TRAF3: variants seen among roughly 807,000 people sequenced by gnomAD.
TRAF3 encodes the protein TNF receptor associated factor 3.
TRAF3 carries 13 observed loss-of-function variants against 62.3 expected under a neutral mutation model. That is an observed-to-expected ratio of 0.21 (90% CI 0.14 to 0.33). TRAF3 has a LOEUF of 0.33. Among genes scored for constraint, TRAF3 ranks in the 10% least tolerant of loss-of-function variants. The probability of loss-of-function intolerance (pLI) is 1.00; values close to 1 mark genes in which losing one functional copy is unlikely to be tolerated. For missense variants in TRAF3, 440 were observed against 741.8 expected (o/e 0.59, Z 4.73); for synonymous variants, 269 against 283.4 (o/e 0.95, Z 0.51).
At chr14:102,889,998 A>T (rs1889619945) in intron 8 of TRAF3, among the ~76,000 whole-genome samples, 1 of 152,286 alleles carries the variant, frequency 6.6e-6, no homozygotes, top group South Asian at 2.1e-4. Context: ...AACTGAGCAT[A>T]GTTTCAACAG....
intron 2 of TRAF3, among the ~76,000 whole-genome samples, chr14:102,869,822 A>G (rs866746100): frequency 6.2e-4 from 93 of 150,324 alleles, no homozygotes; most frequent in African/African-American, 2.2e-3. Flanking sequence ...AAAAAAAAAA[A>G]TTTTTGGAGA....
intron 1 of TRAF3, among the ~76,000 whole-genome samples, chr14:102,796,356 G>A (rs550496599): frequency 6.6e-6 from 1 of 152,248 alleles, no homozygotes; most frequent in Non-Finnish European, 1.5e-5. Flanking sequence ...CCCTTCATCT[G>A]TGTCTTCTGC....
chr14:102,820,600 ATATATATATATATATTTTTTTTTTTTT>A (rs1376997710), intron 1 of TRAF3, among the ~76,000 whole-genome samples: 1 of 13,274 alleles, frequency 7.5e-5, no homozygotes, highest in African/African-American at 7.3e-4. Context: ...ATATATATAT[ATATATATATATATATTTTTTTTTTTTT>A]TTTTTTTTTT....
intron 1 of TRAF3, among the ~76,000 whole-genome samples, chr14:102,795,598 A>ATGTGTGTGTGTGTGTGTGTGTG (rs58263343): frequency 6.5e-4 from 97 of 149,314 alleles, no homozygotes; most frequent in Admixed American, 2.1e-3. Flanking sequence ...ATATGTATAT[A>ATGTGTGTGTGTGTGTGTGTGTG]TGTGTGTGTG....
chr14:102,883,984 G>A (rs796539410), intron 6 of TRAF3, among the ~76,000 whole-genome samples: 17 of 152,336 alleles, frequency 1.1e-4, no homozygotes, highest in African/African-American at 4.1e-4. Context: ...AAAATCAGCA[G>A]CAGATTCAGG....
At chr14:102,900,469 C>T (rs990606666) in intron 10 of TRAF3, among the ~76,000 whole-genome samples, 4 of 152,086 alleles carry the variant, frequency 2.6e-5, no homozygotes, top group Non-Finnish European at 4.4e-5. Flanking sequence ...CCATTGCACT[C>T]GAGACTGGGT....
At chr14:102,860,291 CAG>C (rs1300628760) in intron 2 of TRAF3, among the ~76,000 whole-genome samples, 1 of 152,144 alleles carries the variant, frequency 6.6e-6, no homozygotes, top group Non-Finnish European at 1.5e-5. Flanking sequence ...AAGTAAAAAA[CAG>C]ATAATGCAGT....
At chr14:102,893,061 T>G (rs542127579) in intron 9 of TRAF3, among the ~76,000 whole-genome samples, 43 of 152,266 alleles carry the variant, frequency 2.8e-4, no homozygotes, top group African/African-American at 1.0e-3. Context: ...GATGCTGTGT[T>G]TCTCATTTAG....
chr14:102,782,159 G>C (rs1897298848), intron 1 of TRAF3, among the ~76,000 whole-genome samples: 1 of 151,888 alleles, frequency 6.6e-6, no homozygotes, highest in African/African-American at 2.4e-5. Context: ...GACTGGTCTT[G>C]AACTCCTGAC....
At chr14:102,896,580 C>T (rs1213197692) in intron 9 of TRAF3, among the ~76,000 whole-genome samples, 6 of 152,160 alleles carry the variant, frequency 3.9e-5, no homozygotes, top group Non-Finnish European at 8.8e-5. Context: ...TGGGGTGATA[C>T]ATAAGCATCT....
At position 102,870,199 on chromosome 14, in the gene TRAF3, A is replaced by G. The variant is rs1253218958; in HGVS notation, c.-3A>G. ...TTTCCCGACAGAACTCCTCTTTCCTAAAATGGAGTCGAGTAAAAAGATGGA... is the reference window on the plus strand; with the variant it reads ...TTTCCCGACAGAACTCCTCTTTCCTGAAATGGAGTCGAGTAAAAAGATGGA... On this transcript the variant is annotated 5_prime_UTR_variant, in exon 3 of 12. Transcript: ENST00000392745. The G allele has an allele frequency of 1.2e-6, 2 of 1,614,054 alleles. No individual in the cohort carries two copies. The highest frequency in any genetic ancestry group is 1.7e-6 in the Non-Finnish European group (2 of 1,180,028).
Position 102,905,848 on chromosome 14 carries a change from C to A in TRAF3, c.*64C>A. ...CTCTGGGGGATTTGAACCGGTCTGT[C>A]TTCACTGAGGTCCTCGCGCTCAGAA... On this transcript the variant is annotated 3_prime_UTR_variant, in exon 12 of 12. Transcript: ENST00000392745. 6.9e-7 allele frequency: 1 copy of A among 1,456,866 alleles called. No homozygotes were observed. Among genetic ancestry groups the A allele is most frequent in the Non-Finnish European group, 9.5e-7 (1 of 1,053,570 alleles). The allele number at this position is 1,456,866 out of a possible 1,614,324, so 90.2% of individuals were successfully genotyped here.
chr14:102,803,215 T>C (rs1428841807), intron 1 of TRAF3, among the ~76,000 whole-genome samples: 1 of 152,216 alleles, frequency 6.6e-6, no homozygotes, highest in Non-Finnish European at 1.5e-5. Flanking sequence ...AGGCTTTTTA[T>C]AGAGGGAGTG....
intron 2 of TRAF3, among the ~76,000 whole-genome samples, chr14:102,839,210 CTTTTTTTTTTTTTTTTT>C (rs56998347): frequency 2.2e-5 from 2 of 89,836 alleles, no homozygotes; most frequent in Admixed American, 1.2e-4. Flanking sequence ...GTTGATTTGC[CTTTTTTTTTTTTTTTTT>C]TTTTTTTTTT....
rs1170543952 is a variant in TRAF3, at chr14:102,815,400, G to A, written c.-156-14934G>A. Among the ~76,000 whole-genome samples, 9 of 152,098 alleles carry A rather than the reference G, an allele frequency of 5.9e-5. 1 individual carries two copies. The South Asian group carries it at 6.2e-4, about 11-fold the overall frequency. On this transcript the variant is annotated intron_variant, in intron 1 of 11. Coordinates refer to ENST00000392745, the MANE Select transcript of TRAF3 (RefSeq NM_145725.3). ...GAGACTGGGTCTTGCTGTATTGCCA[G>A]GCTGGAGTGCAGTGCTTATCCATAG...
intron 1 of TRAF3, among the ~76,000 whole-genome samples, chr14:102,788,807 C>G (rs1207108852): frequency 1.3e-5 from 2 of 151,610 alleles, no homozygotes; most frequent in African/African-American, 4.8e-5. Context: ...CAAAACAAAA[C>G]AAAACAAAAC....
chr14:102,779,269 CTTT>C (rs61309052), intron 1 of TRAF3, among the ~76,000 whole-genome samples: 33 of 123,410 alleles, frequency 2.7e-4, no homozygotes, highest in South Asian at 4.7e-4. Context: ...AGAATTCCAG[CTTT>C]TTTTTTTTTT....
At chr14:102,861,136 T>C (rs1471500297) in intron 2 of TRAF3, among the ~76,000 whole-genome samples, 1 of 152,248 alleles carries the variant, frequency 6.6e-6, no homozygotes, top group Non-Finnish European at 1.5e-5. Context: ...TGGCTGCTTT[T>C]TGGGAGCGTA....
At chr14:102,791,209 C>T (rs551768956) in intron 1 of TRAF3, among the ~76,000 whole-genome samples, 6 of 151,816 alleles carry the variant, frequency 4.0e-5, no homozygotes, top group East Asian at 1.9e-4. Context: ...TTTGTAGAGA[C>T]GGGGTTTAAC....
Sources: gnomAD v4.1 joint callset for allele counts (sites outside exome capture counted in the v4.1 genomes callset) on GRCh38, gnomAD v4.1.1 for gene constraint, MANE v1.5 for transcripts, NCBI Gene and HGNC (gene_info 2026-07-23, HGNC 2026-07-21) for gene names.